REPS2: variants seen among roughly 807,000 people sequenced by gnomAD.
REPS2 encodes RALBP1 associated Eps domain containing 2.
Under a neutral mutation model 53.6 loss-of-function variants are expected in REPS2, and 23 were observed. That is an observed-to-expected ratio of 0.43 (90% CI 0.31 to 0.61). The LOEUF is 0.61. Ranked by LOEUF, REPS2 falls within the 20% of genes least tolerant of loss-of-function variation. The pLI, the probability that REPS2 is intolerant of heterozygous loss-of-function variation, is 0.11. For missense variants in REPS2, 446 were observed against 534.9 expected, an observed-to-expected ratio of 0.83 and a Z score of 1.64; for synonymous variants, 238 against 218.6, an observed-to-expected ratio of 1.09 and a Z score of -0.78.
chrX:17,075,347 C>T (rs746584603), intron 12 of REPS2, among the ~76,000 whole-genome samples: 1 of 112,189 alleles, frequency 8.9e-6, no homozygotes. Flanking sequence ...TTCCTCTCTC[C>T]CTGAAAGCCA....
the REPS2 span, among the ~76,000 whole-genome samples, chrX:17,160,386 G>C: frequency 2.7e-5 from 3 of 112,403 alleles, no homozygotes; most frequent in Non-Finnish European, 5.6e-5. Context: ...AATCAAACCA[G>C]GGGGTATTTA....
At chrX:17,135,769 C>G (rs2063358347) in intron 16 of REPS2, 1 of 163,881 alleles carries the variant, frequency 6.1e-6, no homozygotes, top group African/African-American at 3.1e-5. Context: ...CCTGTGTTAT[C>G]TCCTTTTCCT....
the REPS2 span, among the ~76,000 whole-genome samples, chrX:17,170,314 A>T: frequency 8.9e-6 from 1 of 112,645 alleles, no homozygotes; most frequent in Admixed American, 9.4e-5. Context: ...AAAGCACCAG[A>T]GTAGAGTGTC....
chrX:17,190,916 T>C, the REPS2 span, among the ~76,000 whole-genome samples: 1 of 111,565 alleles, frequency 9.0e-6, no homozygotes, highest in Non-Finnish European at 1.9e-5. Context: ...GACATCCATA[T>C]GCGAAAAGAT....
chrX:17,140,615 A>G (rs115738459), intron 17 of REPS2, among the ~76,000 whole-genome samples: 2,121 of 110,608 alleles, frequency 0.019, 49 homozygotes, highest in African/African-American at 0.067. Flanking sequence ...TTTCAAATAA[A>G]TTGCAGATAT....
the REPS2 span, among the ~76,000 whole-genome samples, chrX:17,165,382 A>G: frequency 1.8e-5 from 2 of 111,846 alleles, no homozygotes; most frequent in African/African-American, 6.5e-5. Context: ...TGGGCTCAGC[A>G]ATGAAGTGCC....
chrX:17,182,228 C>T, the REPS2 span, among the ~76,000 whole-genome samples: 2 of 110,134 alleles, frequency 1.8e-5, no homozygotes, highest in African/African-American at 6.6e-5. Context: ...CCATTGGAGT[C>T]CTGAGCTGCC....
chrX:17,027,163 C>T (rs1367097253), intron 4 of REPS2, among the ~76,000 whole-genome samples: 1 of 111,499 alleles, frequency 9.0e-6, no homozygotes, highest in Non-Finnish European at 1.9e-5. Context: ...CCACTTTGAT[C>T]AGTAATTGAA....
At chrX:17,118,965 C>G (rs997368801) in intron 14 of REPS2, among the ~76,000 whole-genome samples, 2 of 112,450 alleles carry the variant, frequency 1.8e-5, no homozygotes, top group African/African-American at 6.5e-5. Flanking sequence ...TAAGAGTACA[C>G]AAACCATAGA....
rs1414062377 is a variant in REPS2 at position 17,047,475 on chromosome X, C to G, written c.900C>G (p.Phe300Leu). The G allele has an allele frequency of 8.3e-7, 1 of 1,207,697 alleles. No homozygotes were observed. The highest frequency in any genetic ancestry group is 1.8e-5 in the African/African-American group (1 of 57,001). The change falls in exon 6 of 18, where the codon TTC becomes TTG. Residue 300 changes from phenylalanine to leucine, a missense_variant. Phe to Leu is a conservative substitution (Grantham distance 22). Transcript: ENST00000357277. The stretch of plus-strand genomic sequence containing the variant: ...CCCTTCAGCCAGACCCAAGCTCTTT[C>G]ATTTCAGGTAAGAATGTGGGCTCCC... ...FRSLQPDPSS[F>L]ISGSVAKNFF...
At chrX:17,117,176 G>A (rs2063067197) in intron 14 of REPS2, among the ~76,000 whole-genome samples, 1 of 112,371 alleles carries the variant, frequency 8.9e-6, no homozygotes, top group Non-Finnish European at 1.9e-5. Flanking sequence ...TCTTGGTTTT[G>A]CAGCTTCACA....
chrX:17,039,167 GTCT>G (rs1317873129), intron 5 of REPS2, among the ~76,000 whole-genome samples: 7 of 111,727 alleles, frequency 6.3e-5, no homozygotes, highest in Non-Finnish European at 1.3e-4. Flanking sequence ...CCTTGTCAGA[GTCT>G]CCTCTTACTG....
chrX:17,026,534 C>T (rs2147858654), intron 4 of REPS2, among the ~76,000 whole-genome samples: 1 of 97,293 alleles, frequency 1.0e-5, no homozygotes, highest in African/African-American at 3.8e-5. Context: ...ACTTTTTGTT[C>T]TACTGAGTCA....
chrX:17,114,178 T>G (rs1485718254), intron 14 of REPS2, among the ~76,000 whole-genome samples: 1 of 111,587 alleles, frequency 9.0e-6, no homozygotes, highest in African/African-American at 3.3e-5. Flanking sequence ...TTTCCAGTGG[T>G]CGGATTTCGA....
At chrX:17,019,836 A>G (rs1213003304) in intron 2 of REPS2, among the ~76,000 whole-genome samples, 2 of 111,288 alleles carry the variant, frequency 1.8e-5, no homozygotes, top group African/African-American at 6.5e-5. Context: ...AACAAAAACC[A>G]AAAAAAACAT....
At chrX:17,068,313 C>CAAA in intron 9 of REPS2, 89 bp from the exon 10 acceptor site, 1 of 576,539 alleles carries the variant, frequency 1.7e-6, no homozygotes. Context: ...GACTCTGTCT[C>CAAA]AAAAAAAAAA....
At chrX:17,039,102 T>C (rs2061800175) in intron 5 of REPS2, among the ~76,000 whole-genome samples, 1 of 112,117 alleles carries the variant, frequency 8.9e-6, no homozygotes, top group South Asian at 3.7e-4. Context: ...AGCCTTGGCC[T>C]GACCAGCAAG....
Position 16,946,719 on chromosome X carries a change from C to G in REPS2, c.-143C>G. The G allele has an allele frequency of 9.4e-6, 6 of 641,393 alleles. No individual in the cohort carries two copies. Among genetic ancestry groups the G allele is most frequent in the Non-Finnish European group, 1.1e-5 (6 of 544,187 alleles). 52.9% of individuals were successfully genotyped at this position (641,393 alleles called of 1,213,427 possible). A position where few individuals can be genotyped will look rare whatever the true frequency, so the allele number is the denominator to read the frequency against. ...GGAGGAAGCGGCCGCGCGGCAGCTGCGGGGCGTGGGGGTGGTGGTGGCGGC... is the reference window on the plus strand; with the variant it reads ...GGAGGAAGCGGCCGCGCGGCAGCTGGGGGGCGTGGGGGTGGTGGTGGCGGC... On this transcript the variant is annotated 5_prime_UTR_variant, in exon 1 of 18. Transcript: ENST00000357277.
chrX:17,131,217 A>T (rs1320855239), intron 14 of REPS2, among the ~76,000 whole-genome samples: 2 of 111,626 alleles, frequency 1.8e-5, no homozygotes, highest in Admixed American at 9.5e-5. Flanking sequence ...GAGGGATAAG[A>T]GGAGTCAAAA....
Sources: gnomAD v4.1 joint callset for allele counts (sites outside exome capture counted in the v4.1 genomes callset) on GRCh38, gnomAD v4.1.1 for gene constraint, MANE v1.5 for transcripts, NCBI Gene and HGNC (gene_info 2026-07-23, HGNC 2026-07-21) for gene names.